ZNF503: variants seen among roughly 807,000 people sequenced by gnomAD.
ZNF503 encodes the protein zinc finger protein 503.
A neutral mutation model predicts 34.4 loss-of-function variants in ZNF503; 15 were observed. The observed-to-expected ratio is 0.44, with a 90% CI of 0.29 to 0.67. The LOEUF (loss-of-function observed/expected upper bound fraction) is 0.67, where lower values mean the gene tolerates loss of function less well. Among genes scored for constraint, ZNF503 ranks in the 30% least tolerant of loss-of-function variants. The pLI is 0.13. For missense variants in ZNF503, 1,007 were observed against 926.8 expected, an observed-to-expected ratio of 1.09 and a Z score of -1.12; for synonymous variants, 580 against 456.8, an observed-to-expected ratio of 1.27 and a Z score of -3.44.
chr10:75,289,123 T>TG, the ZNF503 span, among the ~76,000 whole-genome samples: 1 of 152,262 alleles, frequency 6.6e-6, no homozygotes, highest in African/African-American at 2.4e-5. Context: ...TCTTGCTACT[T>TG]GGGGGGCCAG....
the ZNF503 span, among the ~76,000 whole-genome samples, chr10:75,347,189 T>C: frequency 4.6e-5 from 7 of 152,250 alleles, no homozygotes; most frequent in African/African-American, 9.6e-5. Flanking sequence ...TCATGCCTGT[T>C]AATTGAGGCA....
chr10:75,309,278 C>T, the ZNF503 span, among the ~76,000 whole-genome samples: 1 of 152,210 alleles, frequency 6.6e-6, no homozygotes. Context: ...GATAAATCAG[C>T]AGCAGGTTTA....
chr10:75,399,278 G>A lies in ZNF503; in HGVS notation c.1412C>T (p.Pro471Leu). The change falls in exon 2 of 2, where the codon CCC becomes CTC. Residue 471 changes from proline (P) to leucine (L), a missense_variant. Coordinates refer to ENST00000372524, the MANE Select transcript of ZNF503 (RefSeq NM_032772.6). ...ALKSGYPLVY[P>L]THPLHGVHSS... Reference sequence around the variant, plus strand: ...GTGCACACCGTGCAGCGGGTGCGTGGGGTACACCAGCGGGTATCCGGACTT... The same window carrying A: ...GTGCACACCGTGCAGCGGGTGCGTGAGGTACACCAGCGGGTATCCGGACTT... 1 of 1,601,144 alleles carries A rather than the reference G, an allele frequency of 6.2e-7. No homozygotes were observed. The highest frequency in any genetic ancestry group is 1.3e-5 in the African/African-American group (1 of 74,792).
chr10:75,289,129 G>A, the ZNF503 span, among the ~76,000 whole-genome samples: 24 of 152,310 alleles, frequency 1.6e-4, no homozygotes, highest in African/African-American at 5.1e-4. Context: ...TACTTGGGGG[G>A]CCAGAGCAGA....
At chr10:75,353,146 C>T in the ZNF503 span, among the ~76,000 whole-genome samples, 1 of 152,224 alleles carries the variant, frequency 6.6e-6, no homozygotes, top group East Asian at 1.9e-4. Context: ...AAAATAGGCA[C>T]ATTATACGTA....
the ZNF503 span, among the ~76,000 whole-genome samples, chr10:75,384,226 C>T: frequency 6.6e-6 from 1 of 152,018 alleles, no homozygotes; most frequent in Admixed American, 6.6e-5. Flanking sequence ...TCTCTCCCTC[C>T]CTCCTGGTGA....
the ZNF503 span, among the ~76,000 whole-genome samples, chr10:75,380,353 C>T: frequency 6.6e-5 from 10 of 152,158 alleles, no homozygotes; most frequent in Admixed American, 6.5e-4. Flanking sequence ...AACTGAGGCT[C>T]AGGGAGCAAC....
chr10:75,302,697 C>T, the ZNF503 span, among the ~76,000 whole-genome samples: 2 of 152,164 alleles, frequency 1.3e-5, no homozygotes, highest in African/African-American at 2.4e-5. Flanking sequence ...TCCATCAGTC[C>T]TTTGCTTAGC....
chr10:75,301,254 T>G, the ZNF503 span, among the ~76,000 whole-genome samples: 1 of 152,178 alleles, frequency 6.6e-6, no homozygotes, highest in Non-Finnish European at 1.5e-5. Flanking sequence ...TTTCTTTTCT[T>G]TTTTTTGAGA....
chr10:75,280,737 T>G, the ZNF503 span, among the ~76,000 whole-genome samples: 1 of 152,154 alleles, frequency 6.6e-6, no homozygotes, highest in Non-Finnish European at 1.5e-5. Context: ...ATACAACTGA[T>G]GATTCTGGCA....
At chr10:75,360,409 A>G in the ZNF503 span, among the ~76,000 whole-genome samples, 2 of 151,944 alleles carry the variant, frequency 1.3e-5, no homozygotes, top group African/African-American at 4.8e-5. Context: ...TACAGGCGTG[A>G]GCCACCGTGA....
At chr10:75,345,082 A>G in the ZNF503 span, among the ~76,000 whole-genome samples, 4 of 152,208 alleles carry the variant, frequency 2.6e-5, no homozygotes, top group Non-Finnish European at 4.4e-5. Context: ...CAGATAAACA[A>G]TGTTTCCTCT....
At chr10:75,394,192 A>G (rs1363948591), downstream of ZNF503, among the ~76,000 whole-genome samples, 2 of 152,272 alleles carry the variant, frequency 1.3e-5, no homozygotes, top group Admixed American at 6.5e-5. Flanking sequence ...CAGGTTTGTT[A>G]CATGGGTAAA....
At chr10:75,381,074 T>C in the ZNF503 span, among the ~76,000 whole-genome samples, 14 of 152,242 alleles carry the variant, frequency 9.2e-5, no homozygotes, top group Non-Finnish European at 2.1e-4. Context: ...GAAACCCTGA[T>C]TTGTAATTGA....
At chr10:75,320,059 GA>G in the ZNF503 span, among the ~76,000 whole-genome samples, 6 of 152,112 alleles carry the variant, frequency 3.9e-5, no homozygotes, top group African/African-American at 1.4e-4. Flanking sequence ...GAGGAGGAGG[GA>G]AAATTTTTCA....
At chr10:75,348,411 T>G in the ZNF503 span, among the ~76,000 whole-genome samples, 5 of 151,604 alleles carry the variant, frequency 3.3e-5, no homozygotes, top group Non-Finnish European at 7.4e-5. Context: ...TTGACCAGGC[T>G]GGTCTTGATC....
the ZNF503 span, chr10:75,350,296 A>G: frequency 6.6e-6 from 1 of 152,208 alleles, no homozygotes; most frequent in Non-Finnish European, 1.5e-5. Context: ...TAGGGTCTAT[A>G]TAATTTATCA....
At chr10:75,358,385 A>G in the ZNF503 span, 1 of 152,216 alleles carries the variant, frequency 6.6e-6, no homozygotes, top group Non-Finnish European at 1.5e-5. Context: ...CTTTTATAGC[A>G]TTTCCAATGG....
At chr10:75,342,499 G>A in the ZNF503 span, among the ~76,000 whole-genome samples, 1 of 152,194 alleles carries the variant, frequency 6.6e-6, no homozygotes, top group Admixed American at 6.5e-5. Context: ...GACAAGGGGT[G>A]GGGATTGTTA....
Sources: gnomAD v4.1 joint callset for allele counts (sites outside exome capture counted in the v4.1 genomes callset) on GRCh38, gnomAD v4.1.1 for gene constraint, MANE v1.5 for transcripts, NCBI Gene and HGNC (gene_info 2026-07-23, HGNC 2026-07-21) for gene names.